The following GJC1 variants were observed in gnomAD, a reference collection of about 807,000 sequenced individuals.
GJC1 encodes gap junction protein gamma 1, also known as gap junction gamma-1 protein.
In GJC1, 5 loss-of-function variants were observed where a neutral mutation model predicts 29.3. The ratio of observed to expected loss-of-function variants is 0.17; its 90% CI spans 0.09 to 0.36. The LOEUF (loss-of-function observed/expected upper bound fraction) is 0.36, where lower values mean the gene tolerates loss of function less well. Among genes scored for constraint, GJC1 ranks in the 10% least tolerant of loss-of-function variants. GJC1 has a pLI of 1.00. For synonymous variants in GJC1, 177 were observed against 183.3 expected, an observed-to-expected ratio of 0.97 and a Z score of 0.28; for missense variants, 310 against 496.2, an observed-to-expected ratio of 0.62 and a Z score of 3.56.
At chr17:44,818,587 C>T (rs2050070123) in intron 1 of GJC1, among the ~76,000 whole-genome samples, 1 of 151,424 alleles carries the variant, frequency 6.6e-6, no homozygotes, top group Admixed American at 6.6e-5. Context: ...GGGCGGATCC[C>T]AAGGTCAGTT....
At chr17:44,815,700 T>C (rs1193377054) in intron 1 of GJC1, among the ~76,000 whole-genome samples, 1 of 152,176 alleles carries the variant, frequency 6.6e-6, no homozygotes, top group African/African-American at 2.4e-5. Context: ...TAAAAGGTAA[T>C]CTTGATATAG....
At chr17:44,831,170 C>T (rs190233673), upstream of GJC1, among the ~76,000 whole-genome samples, 2 of 152,198 alleles carry the variant, frequency 1.3e-5, no homozygotes, top group African/African-American at 4.8e-5. Context: ...CAAACTCCCC[C>T]ACCCAAAGCC....
chr17:44,830,738 G>A (rs150677816), upstream of GJC1: 62 of 398,738 alleles, frequency 1.6e-4, no homozygotes, highest in African/African-American at 1.3e-3. The surrounding 1 kb of genome is among the most constrained non-coding windows in gnomAD (Gnocchi z 4.3). Flanking sequence ...TCTCCTCCCA[G>A]GTTCTGCTCT....
At chr17:44,830,962 G>C, upstream of GJC1, 1 of 361,570 alleles carries the variant, frequency 2.8e-6, no homozygotes, top group Non-Finnish European at 4.9e-6. The surrounding 1 kb of genome is among the most constrained non-coding windows in gnomAD (Gnocchi z 4.3). Flanking sequence ...AAAATGCCCA[G>C]TAGGAAACCG....
rs2049893652 is a variant in GJC1 at position 44,804,900 on chromosome 17, A to G, written c.918T>C (p.Asn306=). ...TGTTTTGCTTGTAGGCGATCTTAGCATTGGACAGTTCGGTGTACTGGATTT... is the reference window on the plus strand; with the variant it reads ...TGTTTTGCTTGTAGGCGATCTTAGCGTTGGACAGTTCGGTGTACTGGATTT... ...PDQIQYTELS[N]AKIAYKQNKA... is the part of the protein sequence containing the mutation. Residue 306 remains asparagine, a synonymous_variant, in exon 3 of 3, where the codon AAT becomes AAC. Transcript: ENST00000592524. 1.2e-6 allele frequency: 2 copies of G among 1,614,180 alleles called. No individual in the cohort carries two copies. Among genetic ancestry groups the G allele is most frequent in the African/African-American group, 1.3e-5 (1 of 75,030 alleles).
At chr17:44,807,889 A>G (rs1171290012) in intron 1 of GJC1, 1 of 152,218 alleles carries the variant, frequency 6.6e-6, no homozygotes, top group Admixed American at 6.5e-5. Flanking sequence ...GGATTTGAGC[A>G]GCTAACTAGG....
At chr17:44,817,838 G>A (rs1460392478) in intron 1 of GJC1, among the ~76,000 whole-genome samples, 1 of 152,064 alleles carries the variant, frequency 6.6e-6, no homozygotes, top group Non-Finnish European at 1.5e-5. Context: ...CCACTCGCTA[G>A]TAAAGAATTA....
chr17:44,797,321 T>C (rs1171526817), downstream of GJC1, among the ~76,000 whole-genome samples: 1 of 152,202 alleles, frequency 6.6e-6, no homozygotes, highest in East Asian at 1.9e-4. Context: ...TTAGCCAGAA[T>C]GGACTCAATC....
chr17:44,810,748 C>T (rs2049970133), intron 1 of GJC1, among the ~76,000 whole-genome samples: 1 of 151,982 alleles, frequency 6.6e-6, no homozygotes, highest in Non-Finnish European at 1.5e-5. Flanking sequence ...GATACCTGAT[C>T]CTCTCTATAC....
intron 1 of GJC1, among the ~76,000 whole-genome samples, chr17:44,827,038 G>A (rs1056296952): frequency 1.3e-5 from 2 of 152,100 alleles, no homozygotes; most frequent in African/African-American, 4.8e-5. Flanking sequence ...GGTCGAGTGC[G>A]GTGGCTCACA....
chr17:44,825,952 G>A (rs2145372241), intron 1 of GJC1, among the ~76,000 whole-genome samples: 1 of 151,950 alleles, frequency 6.6e-6, no homozygotes, highest in East Asian at 1.9e-4. Context: ...ACAGAGTCTC[G>A]CTCTGTCGCC....
chr17:44,817,407 G>C lies in GJC1; in HGVS notation c.-96-9938C>G, dbSNP rs183027771. On this transcript the variant is annotated intron_variant, in intron 1 of 2. Transcript: ENST00000592524. ...ACCCTAATCCCAGTCTTTAGGATCA[G>C]AACTGCAAAAGAAAAGCACAAGGCC... is the stretch of plus-strand genomic sequence containing the variant. Among the ~76,000 whole-genome samples, 29 of 151,418 alleles carry C rather than the reference G, an allele frequency of 1.9e-4. 1 individual carries two copies. The East Asian group carries it at 5.1e-3, about 27-fold the overall frequency.
rs1348391502 is a variant in GJC1, at chr17:44,804,649, C to T, written c.1169G>A (p.Gly390Glu). Residue 390 changes from glycine (G) to glutamate (E), a missense_variant, in exon 3 of 3, where the codon GGG becomes GAG. This residue lies in a region of GJC1 where 146 missense variants were observed against 165.0 expected (regional missense o/e 0.88). Transcript: ENST00000592524. ...GGATTAAATCCAGACGGAGGTCTTC[C>T]CATCCCCTGATTTGCTACTGGCAGT... is the stretch of plus-strand genomic sequence containing the variant. ...KSTASSKSGD[G>E]KTSVWI 1 of 1,613,348 alleles carries T rather than the reference C, an allele frequency of 6.2e-7. No individual in the cohort carries two copies. Among genetic ancestry groups the T allele is most frequent in the East Asian group, 2.2e-5 (1 of 44,874 alleles).
Position 44,802,148 on chromosome 17 carries a change from A to G in GJC1, c.*2479T>C, listed in dbSNP as rs1381365621. The G allele has an allele frequency of 6.6e-6, 1 of 152,234 alleles. No individual in the cohort carries two copies. The highest frequency in any genetic ancestry group is 2.4e-5 in the African/African-American group (1 of 41,464). The allele number at this position is 152,234 out of a possible 1,614,324, so 9.4% of individuals were successfully genotyped here. A position where few individuals can be genotyped will look rare whatever the true frequency, so the allele number is the denominator to read the frequency against. ...GCGTTATCCAGACACAAAAGATAAC[A>G]TTCTCATCAAAACAGGCCAAGATGA... is the stretch of plus-strand genomic sequence containing the variant. On this transcript the variant is annotated 3_prime_UTR_variant, in exon 3 of 3. Transcript: ENST00000592524.
rs1166566917 is a variant in GJC1, at chr17:44,798,448, T to C, written c.*6179A>G. ...TGAGAAAGGAAACACAAACCACAAA[T>C]GAATCTTCAAAACTGTATTTGGAAT... is the stretch of plus-strand genomic sequence containing the variant. On this transcript the variant is annotated 3_prime_UTR_variant, in exon 3 of 3. Coordinates refer to ENST00000592524, the MANE Select transcript of GJC1 (RefSeq NM_005497.4). 6.6e-6 allele frequency: 1 copy of C among 152,142 alleles called. No individual in the cohort carries two copies. Among genetic ancestry groups the C allele is most frequent in the African/African-American group, 2.4e-5 (1 of 41,428 alleles). The allele number at this position is 152,142 out of a possible 1,614,324, so 9.4% of individuals were successfully genotyped here. A position where few individuals can be genotyped will look rare whatever the true frequency, so the allele number is the denominator to read the frequency against.
Position 44,802,211 on chromosome 17 carries a change from C to T in GJC1, c.*2416G>A, listed in dbSNP as rs1004255425. 6.6e-6 allele frequency: 1 copy of T among 152,142 alleles called. No homozygotes were observed. Among genetic ancestry groups the T allele is most frequent in the African/African-American group, 2.4e-5 (1 of 41,432 alleles). 9.4% of individuals were successfully genotyped at this position (152,142 alleles called of 1,614,324 possible). A position where few individuals can be genotyped will look rare whatever the true frequency, so the allele number is the denominator to read the frequency against. ...ACTCTTCACAGAAATTAAGTGGATG[C>T]TTCTGGCGCCAAATGTCTTTGCCTG... On this transcript the variant is annotated 3_prime_UTR_variant, in exon 3 of 3. Coordinates refer to ENST00000592524, the MANE Select transcript of GJC1 (RefSeq NM_005497.4).
chr17:44,802,004 T>TA lies in GJC1; in HGVS notation c.*2622dup, dbSNP rs2049853590. 6.6e-6 allele frequency: 1 copy of TA among 152,206 alleles called. No individual in the cohort carries two copies. Among genetic ancestry groups the TA allele is most frequent in the African/African-American group, 2.4e-5 (1 of 41,442 alleles). 9.4% of individuals were successfully genotyped at this position (152,206 alleles called of 1,614,324 possible). A position where few individuals can be genotyped will look rare whatever the true frequency, so the allele number is the denominator to read the frequency against. On this transcript the variant is annotated 3_prime_UTR_variant, in exon 3 of 3. Transcript: ENST00000592524. ...GAAAGACATGTACTAAGAAGGCAGTTAGAGCTGGAAAATTCTTGACATAAT... is the reference window on the plus strand; with the variant it reads ...GAAAGACATGTACTAAGAAGGCAGTTAAGAGCTGGAAAATTCTTGACATAAT...
At chr17:44,824,508 G>A (rs1410173849) in intron 1 of GJC1, among the ~76,000 whole-genome samples, 3 of 152,056 alleles carry the variant, frequency 2.0e-5, no homozygotes, top group Non-Finnish European at 4.4e-5. Flanking sequence ...TCACTATGTT[G>A]CCCAGGGTGG....
chr17:44,794,807 GCAGA>G (rs2049774288), downstream of GJC1: 1 of 152,200 alleles, frequency 6.6e-6, no homozygotes, highest in South Asian at 2.1e-4. Context: ...GGAGAGCCAG[GCAGA>G]CAAAGATACT....
Sources: allele counts gnomAD v4.1 joint callset (sites outside exome capture counted in the v4.1 genomes callset), GRCh38; gene constraint gnomAD v4.1.1; regional missense constraint gnomAD v4.1.1; non-coding constraint Gnocchi (gnomAD v3.1); transcripts MANE v1.5; gene names NCBI Gene and HGNC (gene_info 2026-07-23, HGNC 2026-07-21).